Variants in POLN observed in about 807,000 individuals in gnomAD.
POLN encodes the protein DNA polymerase nu.
POLN carries 108 observed loss-of-function variants against 113.5 expected under a neutral mutation model. That is an observed-to-expected ratio of 0.95 (90% CI 0.81 to 1.12). The LOEUF (loss-of-function observed/expected upper bound fraction) is 1.12, where lower values mean the gene tolerates loss of function less well. POLN is among the 50% of genes most tolerant of loss of function. The pLI is 0.00. For missense variants in POLN, 1,097 were observed against 1,077.1 expected (o/e 1.02, Z -0.26); for synonymous variants, 386 against 391.5 (o/e 0.99, Z 0.17).
At chr4:2,129,287 A>G (rs1189380680) in intron 17 of POLN, 31 bp from the exon 18 acceptor site, 1 of 1,472,680 alleles carries the variant, frequency 6.8e-7, no homozygotes, top group Non-Finnish European at 9.5e-7. Flanking sequence ...CATTTAGTGA[A>G]TTTGGTCATG....
intron 4 of POLN, among the ~76,000 whole-genome samples, chr4:2,210,197 G>A (rs1733956836): frequency 6.6e-6 from 1 of 151,778 alleles, no homozygotes; most frequent in Non-Finnish European, 1.5e-5. Flanking sequence ...AAAATTCCAT[G>A]GAGGAGTAAA....
intron 13 of POLN, among the ~76,000 whole-genome samples, chr4:2,168,126 G>C (rs1329188682): frequency 6.6e-6 from 1 of 152,216 alleles, no homozygotes; most frequent in Non-Finnish European, 1.5e-5. Flanking sequence ...ATTGTACTAA[G>C]CACTGGGAAC....
chr4:2,240,169 GTCGTC>G (rs751518307), intron 2 of POLN: 1 of 1,613,988 alleles, frequency 6.2e-7, no homozygotes, highest in Non-Finnish European at 8.5e-7. Context: ...GCCATCTCTA[GTCGTC>G]TCTCCTCAAG....
At chr4:2,228,996 T>C in intron 3 of POLN, 103 bp downstream of exon 3, 2 of 1,170,648 alleles carry the variant, frequency 1.7e-6, no homozygotes, top group Non-Finnish European at 1.2e-6. Context: ...GGGCGGGAGC[T>C]GGGCTTCATC....
intron 20 of POLN, 22 bp downstream of exon 20, chr4:2,095,829 C>T: frequency 1.2e-6 from 2 of 1,611,616 alleles, no homozygotes; most frequent in East Asian, 2.2e-5. Flanking sequence ...CCCGAGACCC[C>T]AGCTCCCGGC....
At chr4:2,205,862 G>A (rs547027632) in intron 5 of POLN, among the ~76,000 whole-genome samples, 6 of 142,202 alleles carry the variant, frequency 4.2e-5, no homozygotes, top group East Asian at 2.0e-4. Flanking sequence ...GCGACAGAGC[G>A]AGACTCTGTC....
At chr4:2,224,432 T>C (rs1448621014) in intron 3 of POLN, among the ~76,000 whole-genome samples, 1 of 152,212 alleles carries the variant, frequency 6.6e-6, no homozygotes, top group East Asian at 1.9e-4. Context: ...AAAGTATATA[T>C]AGTATCGTAA....
intron 2 of POLN, chr4:2,240,849 C>T (rs755184912): frequency 6.2e-7 from 1 of 1,613,202 alleles, no homozygotes; most frequent in Non-Finnish European, 8.5e-7. Context: ...ATCTTCAACG[C>T]CCTCAAACAA....
chr4:2,205,154 T>C (rs73083128), intron 5 of POLN, among the ~76,000 whole-genome samples: 5,341 of 152,270 alleles, frequency 0.035, 308 homozygotes, highest in African/African-American at 0.12. Flanking sequence ...CAACTGTCAC[T>C]ATTTGCTGAT....
intron 16 of POLN, among the ~76,000 whole-genome samples, chr4:2,153,994 G>A (rs1392785612): frequency 3.3e-5 from 5 of 151,346 alleles, no homozygotes; most frequent in Admixed American, 6.6e-5. Context: ...TCAGGAGATT[G>A]AGACCATCCT....
chr4:2,170,807 A>G, intron 12 of POLN, 33 bp from the exon 13 acceptor site: 1 of 1,567,996 alleles, frequency 6.4e-7, no homozygotes, highest in South Asian at 1.1e-5. Context: ...TGGTGAGGGA[A>G]TCTCACATTT....
At chr4:2,177,083 G>A (rs1733015833) in intron 8 of POLN, among the ~76,000 whole-genome samples, 1 of 152,092 alleles carries the variant, frequency 6.6e-6, no homozygotes, top group South Asian at 2.1e-4. Context: ...GTGAATGTTG[G>A]GAGAACATCC....
At chr4:2,173,150 A>G (rs1732906050) in intron 11 of POLN, among the ~76,000 whole-genome samples, 1 of 152,230 alleles carries the variant, frequency 6.6e-6, no homozygotes, top group Non-Finnish European at 1.5e-5. Flanking sequence ...GGTTGCAGTT[A>G]CTTTTGGCAG....
chr4:2,208,755 C>T (rs1184877147), intron 4 of POLN, among the ~76,000 whole-genome samples: 8 of 151,860 alleles, frequency 5.3e-5, no homozygotes, highest in Admixed American at 1.3e-4. Flanking sequence ...TTTGGGAGGC[C>T]GAGGTGGGTG....
At chr4:2,076,537 CA>C (rs1029080166) in intron 23 of POLN, 9 of 152,374 alleles carry the variant, frequency 5.9e-5, no homozygotes, top group Admixed American at 4.6e-4. Context: ...GATGGGGTGT[CA>C]GGGGGTCCCA....
chr4:2,131,800 G>C (rs1731734087), intron 16 of POLN, among the ~76,000 whole-genome samples: 1 of 152,072 alleles, frequency 6.6e-6, no homozygotes, highest in Non-Finnish European at 1.5e-5. Flanking sequence ...AAACTCTTAG[G>C]GCCATCTGTT....
chr4:2,138,736 T>C (rs963149610), intron 16 of POLN, among the ~76,000 whole-genome samples: 1 of 152,092 alleles, frequency 6.6e-6, no homozygotes. Context: ...AGCTGGTCTC[T>C]AGTAAAAATA....
intron 2 of POLN, 155 bp from the exon 3 acceptor site, chr4:2,229,398 T>A: frequency 1.7e-6 from 1 of 593,338 alleles, no homozygotes; most frequent in African/African-American, 2.0e-5. Flanking sequence ...TCCAATAATA[T>A]AGATAGAAAG....
At chr4:2,115,083 T>C (rs530286264) in intron 19 of POLN, among the ~76,000 whole-genome samples, 1 of 151,874 alleles carries the variant, frequency 6.6e-6, no homozygotes, top group Non-Finnish European at 1.5e-5. Context: ...AGTCTCGCTC[T>C]GTAGCTCAGG....
Sources: gnomAD v4.1 joint callset for allele counts (sites outside exome capture counted in the v4.1 genomes callset) on GRCh38, gnomAD v4.1.1 for gene constraint, MANE v1.5 for transcripts, NCBI Gene and HGNC (gene_info 2026-07-23, HGNC 2026-07-21) for gene names.